MYH1: variants seen among roughly 807,000 people sequenced by gnomAD.
The protein encoded by MYH1 is myosin-1.
In MYH1, 214 loss-of-function variants were observed where a neutral mutation model predicts 225.6. The ratio of observed to expected loss-of-function variants is 0.95; its 90% CI spans 0.85 to 1.06. The LOEUF (loss-of-function observed/expected upper bound fraction) is 1.06. Among genes scored for constraint, MYH1 ranks in the 50% least tolerant of loss-of-function variants. The probability of loss-of-function intolerance (pLI) is 0.00; values close to 1 mark genes in which losing one functional copy is unlikely to be tolerated. For missense variants in MYH1, 2,098 were observed against 2,344.2 expected (o/e 0.89, Z 2.17); for synonymous variants, 774 against 842.3 (o/e 0.92, Z 1.40).
chr17:10,500,793 T>C (rs2073046085), intron 27 of MYH1, 41 bp from the exon 28 acceptor site: 5 of 1,613,212 alleles, frequency 3.1e-6, no homozygotes, highest in African/African-American at 2.7e-5. Flanking sequence ...AAGTAAGTAG[T>C]TGGACCAAAG....
intron 23 of MYH1, 24 bp downstream of exon 23, chr17:10,502,982 A>G (rs1193061432): frequency 3.7e-6 from 6 of 1,614,004 alleles, no homozygotes; most frequent in Non-Finnish European, 5.1e-6. Context: ...ACCTCTATAC[A>G]GTACTGTAGA....
At position 10,497,316 on chromosome 17, in the gene MYH1, G is replaced by T. The variant is rs148274267; in HGVS notation, c.4502C>A (p.Thr1501Asn). The T allele has an allele frequency of 2.0e-5, 32 of 1,608,946 alleles. No individual in the cohort carries two copies. The African/African-American group carries it at 4.3e-4, about 22-fold the overall frequency. The change falls in exon 32 of 40, where the codon ACC becomes AAC. Residue 1501 changes from threonine to asparagine, a missense_variant. Transcript: ENST00000226207. ...CAAATTCTTATTTTCCCGTTTCAAG[G>T]TTTCAAGTTGGTCTAAAGATTCCTC... ...AYEESLDQLETLKRENKNLQQ... is the reference protein window; with the variant it reads ...AYEESLDQLENLKRENKNLQQ...
chr17:10,505,668 A>T, intron 19 of MYH1, 144 bp downstream of exon 19: 1 of 1,372,354 alleles, frequency 7.3e-7, no homozygotes, highest in Non-Finnish European at 9.9e-7. Flanking sequence ...AGGACTTCAG[A>T]GTTTTCTTAT....
At position 10,496,317 on chromosome 17, in the gene MYH1, T is replaced by C; in HGVS notation, c.4889A>G (p.Glu1630Gly). The change falls in exon 34 of 40, where the codon GAA (glutamate) becomes GGA (glycine). Residue 1630 changes from glutamate to glycine, a missense_variant. By Grantham distance (98) the Glu-to-Gly change is moderately conservative (BLOSUM62 -2). Coordinates refer to ENST00000226207, the MANE Select transcript of MYH1 (RefSeq NM_005963.4). ...KKMEGDLNEM[E>G]IQLNHANRMA... ...GCGGTTGGCATGGTTCAGCTGGATT[T>C]CCATTTCATTGAGGTCTCCCTCCAT... 1 of 1,614,130 alleles carries C rather than the reference T, an allele frequency of 6.2e-7. No homozygotes were observed. Among genetic ancestry groups the C allele is most frequent in the Non-Finnish European group, 8.5e-7 (1 of 1,180,022 alleles).
Position 10,512,876 on chromosome 17 carries a change from C to G in MYH1, c.895G>C (p.Asp299His). The change falls in exon 10 of 40, where the codon GAT (aspartate) becomes CAT (histidine). Residue 299 changes from aspartate (D) to histidine (H), a missense_variant. Asp to His is a moderately conservative substitution (Grantham distance 81, BLOSUM62 -1). Transcript: ENST00000226207. Reference protein sequence around the residue: ...FYQIMSNKKPDLIEMLLITTN... With the variant: ...FYQIMSNKKPHLIEMLLITTN... ...TGAATTTATTTCTTACCAATTAGATCTGGCTTCTTGTTAGACATGATCTGA... is the reference window on the plus strand; with the variant it reads ...TGAATTTATTTCTTACCAATTAGATGTGGCTTCTTGTTAGACATGATCTGA... 6.2e-7 allele frequency: 1 copy of G among 1,611,460 alleles called. No homozygotes were observed. The highest frequency in any genetic ancestry group is 1.1e-5 in the South Asian group (1 of 91,022).
chr17:10,501,903 T>G lies in MYH1; in HGVS notation c.3120A>C (p.Gly1040=). The change falls in exon 25 of 40, where the codon GGA becomes GGC. Residue 1040 remains glycine (G), a synonymous_variant. Transcript: ENST00000226207. The part of the protein sequence containing the change: ...KLEQQVDDLE[G]SLEQEKKIRM... ...GGATTTTCTTTTCTTGTTCCAAAGA[T>G]CCTTCAAGCTAAAAGTTAATAATCC... is the stretch of plus-strand genomic sequence containing the variant. 1 of 1,604,016 alleles carries G rather than the reference T, an allele frequency of 6.2e-7. No individual in the cohort carries two copies. The highest frequency in any genetic ancestry group is 2.2e-5 in the East Asian group (1 of 44,826).
Position 10,501,780 on chromosome 17 carries a change from A to T in MYH1, c.3243T>A (p.Asp1081Glu). 1 of 1,613,848 alleles carries T rather than the reference A, an allele frequency of 6.2e-7. No homozygotes were observed. Among genetic ancestry groups the T allele is most frequent in the Non-Finnish European group, 8.5e-7 (1 of 1,179,904 alleles). ...AAACTGCTTACTTTTTAAGCTTTTC[A>T]TCAAGTTGTTGTTTGTCATTTTCTA... The part of the protein sequence containing the change: ...MDIENDKQQL[D>E]EKLKKKEFEM... Residue 1081 changes from aspartate to glutamate, a missense_variant, in exon 25 of 40, where the codon GAT (aspartate) becomes GAA (glutamate). By Grantham distance (45) the Asp-to-Glu change is conservative (BLOSUM62 2). Coordinates refer to ENST00000226207, the MANE Select transcript of MYH1 (RefSeq NM_005963.4).
At chr17:10,498,467 A>G (rs995665398) in intron 30 of MYH1, among the ~76,000 whole-genome samples, 159 bp downstream of exon 30, 2 of 152,360 alleles carry the variant, frequency 1.3e-5, no homozygotes, top group South Asian at 2.1e-4. Context: ...TACATTTTGC[A>G]TCGAGAACTC....
At chr17:10,495,928 G>A (rs1278950739) in intron 35 of MYH1, 22 bp downstream of exon 35, 2 of 1,613,482 alleles carry the variant, frequency 1.2e-6, no homozygotes, top group African/African-American at 2.7e-5. Flanking sequence ...TGTATTTGTT[G>A]CTATTCTATT....
Position 10,508,527 on chromosome 17 carries a change from G to C in MYH1, c.1733C>G (p.Ala578Gly). The C allele has an allele frequency of 6.2e-7, 1 of 1,614,106 alleles. No individual in the cohort carries two copies. Among genetic ancestry groups the C allele is most frequent in the Non-Finnish European group, 8.5e-7 (1 of 1,180,024 alleles). Reference sequence around the variant, plus strand: ...AGCATAGTGAATCAAAGAGAAGTGGGCCTCAGGCTTGCCTTTGGCAGGCTT... The same window carrying C: ...AGCATAGTGAATCAAAGAGAAGTGGCCCTCAGGCTTGCCTTTGGCAGGCTT... Reference protein sequence around the residue: ...KPKPAKGKPEAHFSLIHYAGT... With the variant: ...KPKPAKGKPEGHFSLIHYAGT... Residue 578 changes from alanine (A) to glycine (G), a missense_variant, in exon 16 of 40, where the codon GCC (alanine) becomes GGC (glycine). Ala to Gly is a moderately conservative substitution (Grantham distance 60). Transcript: ENST00000226207.
At chr17:10,510,975 A>C (rs986123946) in intron 14 of MYH1, among the ~76,000 whole-genome samples, 1 of 151,866 alleles carries the variant, frequency 6.6e-6, no homozygotes, top group African/African-American at 2.4e-5. Context: ...AGCAGCTCAA[A>C]ATGATTGCAA....
In MYH1 at chr17:10,512,743, C is replaced by T. The variant is rs201099132; in HGVS notation, c.946G>A (p.Val316Ile). ...GGCACTGTGATCTCCCCTTGACTGA[C>T]GAAGGCATAATCGTATGGGTTGGTG... ...ITTNPYDYAF[V>I]SQGEITVPSI... Residue 316 changes from valine to isoleucine, a missense_variant, in exon 11 of 40, where the codon GTC (valine) becomes ATC (isoleucine). Physicochemically the swap from Val to Ile is conservative, Grantham distance 29 (BLOSUM62 3). Coordinates refer to ENST00000226207, the MANE Select transcript of MYH1 (RefSeq NM_005963.4). 32 of 1,613,858 alleles carry T rather than the reference C, an allele frequency of 2.0e-5. No individual in the cohort carries two copies. Among genetic ancestry groups the T allele is most frequent in the South Asian group, 4.4e-5 (4 of 91,088 alleles).
At chr17:10,501,025 A>G in intron 27 of MYH1, 85 bp downstream of exon 27, 3 of 1,568,312 alleles carry the variant, frequency 1.9e-6, no homozygotes, top group Non-Finnish European at 2.6e-6. Flanking sequence ...GATTTAGTTC[A>G]TGAGACGTTT....
rs768126466 is a variant in MYH1 at position 10,513,933 on chromosome 17, C to T, written c.649-20G>A. ...AGTCCCCTGCAAAGGCAAGAGCAGT[C>T]CTTGCATCTGGGGCTTGGGAATTTC... On this transcript the variant is annotated intron_variant, in intron 7 of 39. Coordinates refer to ENST00000226207, the MANE Select transcript of MYH1 (RefSeq NM_005963.4). The T allele has an allele frequency of 6.2e-7, 1 of 1,613,852 alleles. No individual in the cohort carries two copies. The highest frequency in any genetic ancestry group is 1.1e-5 in the South Asian group (1 of 91,080).
chr17:10,505,908 A>G lies in MYH1; in HGVS notation c.2078T>C (p.Val693Ala), dbSNP rs758077813. The change falls in exon 19 of 40, where the codon GTC (valine) becomes GCC (alanine). Residue 693 changes from valine (V) to alanine (A), a missense_variant. Coordinates refer to ENST00000226207, the MANE Select transcript of MYH1 (RefSeq NM_005963.4). ...ACCGTTACACCTCAGCTGATGCAGG[A>G]CAAGCTCATGCTCCATGGCACCTAA... ...KTPGAMEHELVLHQLRCNGVL... is the reference protein window; with the variant it reads ...KTPGAMEHELALHQLRCNGVL... 8.1e-6 allele frequency: 13 copies of G among 1,614,192 alleles called. No individual in the cohort carries two copies. In the Admixed American group the frequency reaches 2.2e-4, roughly 27 times the overall value.
rs147055712 is a variant in MYH1, at chr17:10,501,492, A to G, written c.3356T>C (p.Ile1119Thr). ...QKKIKELQARIEELEEEIEAE... is the reference protein window; with the variant it reads ...QKKIKELQARTEELEEEIEAE... ...CTCGATTTCCTCCTCCAGCTCCTCA[A>G]TGCGGGCCTGGGAATGGTGAAAAAT... Residue 1119 changes from isoleucine to threonine, a missense_variant, in exon 27 of 40, where the codon ATT becomes ACT. Ile to Thr is a moderately conservative substitution (Grantham distance 89). Transcript: ENST00000226207. 49 of 1,613,978 alleles carry G rather than the reference A, an allele frequency of 3.0e-5. No homozygotes were observed. The highest frequency in any genetic ancestry group is 3.3e-4 in the Middle Eastern group (2 of 6,084).
rs1220800552 is a variant in MYH1 at position 10,509,526 on chromosome 17, A to C, written c.1546T>G (p.Phe516Val). 1 of 1,614,202 alleles carries C rather than the reference A, an allele frequency of 6.2e-7. No individual in the cohort carries two copies. Among genetic ancestry groups the C allele is most frequent in the Middle Eastern group, 1.6e-4 (1 of 6,062 alleles). ...ATGCAGGCAGCCAGGTCCATCCCAA[A>C]GTCAATGAACGTCCACTCAATGCCT... ...KEGIEWTFIDFGMDLAACIEL... is the reference protein window; with the variant it reads ...KEGIEWTFIDVGMDLAACIEL... Residue 516 changes from phenylalanine (F) to valine (V), a missense_variant, in exon 15 of 40, where the codon TTT (phenylalanine) becomes GTT (valine). By Grantham distance (50) the Phe-to-Val change is conservative. Coordinates refer to ENST00000226207, the MANE Select transcript of MYH1 (RefSeq NM_005963.4).
chr17:10,509,573 T>G lies in MYH1; in HGVS notation c.1499A>C (p.Glu500Ala). The G allele has an allele frequency of 1.2e-6, 2 of 1,614,202 alleles. No homozygotes were observed. The highest frequency in any genetic ancestry group is 1.7e-6 in the Non-Finnish European group (2 of 1,180,046). ...GCCTTCCTTCTTGTACTCCTCCTGC[T>G]CCAGCACGAACATGTGGTGGTTGAA... ...QFFNHHMFVLEQEEYKKEGIE... is the reference protein window; with the variant it reads ...QFFNHHMFVLAQEEYKKEGIE... The change falls in exon 15 of 40, where the codon GAG becomes GCG. Residue 500 changes from glutamate (E) to alanine (A), a missense_variant. Transcript: ENST00000226207.
Position 10,507,792 on chromosome 17 carries a change from T to C in MYH1, c.1968+94A>G. 6 of 1,042,910 alleles carry C rather than the reference T, an allele frequency of 5.8e-6. No homozygotes were observed. The South Asian group carries it at 8.1e-5, about 14-fold the overall frequency. The allele number at this position is 1,042,910 out of a possible 1,614,324, so 64.6% of individuals were successfully genotyped here. ...GAACTATCTCGTTGAGTCACATCAGTTCTAGAATCCTTGCAAGGTTAGTTT... is the reference window on the plus strand; with the variant it reads ...GAACTATCTCGTTGAGTCACATCAGCTCTAGAATCCTTGCAAGGTTAGTTT... On this transcript the variant is annotated intron_variant, in intron 17 of 39. Transcript: ENST00000226207.
Sources: allele counts gnomAD v4.1 joint callset (sites outside exome capture counted in the v4.1 genomes callset), GRCh38; gene constraint gnomAD v4.1.1; transcripts MANE v1.5; gene names NCBI Gene and HGNC (gene_info 2026-07-23, HGNC 2026-07-21).